Variants in GALNT13 observed in about 807,000 individuals in gnomAD.
GALNT13 encodes UDP-GalNAc:polypeptide N-acetylgalactosaminyltransferase 13.
Under a neutral mutation model 64.2 loss-of-function variants are expected in GALNT13, and 28 were observed. The ratio of observed to expected loss-of-function variants is 0.44; its 90% CI spans 0.32 to 0.60. The LOEUF (loss-of-function observed/expected upper bound fraction) is 0.60. Ranked by LOEUF, GALNT13 falls within the 20% of genes least tolerant of loss-of-function variation. The pLI is 0.05. For synonymous variants in GALNT13, 214 were observed against 224.6 expected (o/e 0.95, Z 0.42); for missense variants, 577 against 669.8 (o/e 0.86, Z 1.53).
the GALNT13 span, among the ~76,000 whole-genome samples, chr2:153,798,223 C>A: frequency 6.6e-6 from 1 of 152,154 alleles, no homozygotes; most frequent in Admixed American, 6.5e-5. Context: ...TACCCTTTCC[C>A]TCTTCACTGG....
the GALNT13 span, among the ~76,000 whole-genome samples, chr2:153,252,753 G>C: frequency 2.0e-5 from 3 of 152,108 alleles, no homozygotes; most frequent in Non-Finnish European, 4.4e-5. Flanking sequence ...TCTGGTTTTT[G>C]TCAGGTTTGT....
intron 9 of GALNT13, among the ~76,000 whole-genome samples, chr2:154,379,532 T>C (rs1278369334): frequency 6.6e-6 from 1 of 152,052 alleles, no homozygotes; most frequent in Admixed American, 6.6e-5. Flanking sequence ...GAAGGCTGTT[T>C]GATTCTCATG....
the GALNT13 span, among the ~76,000 whole-genome samples, chr2:153,803,553 G>GC: frequency 2.2e-4 from 34 of 152,020 alleles, no homozygotes; most frequent in East Asian, 1.6e-3. Flanking sequence ...TTAGCCGGGC[G>GC]CTGTGGCGGG....
At chr2:153,137,976 G>T in the GALNT13 span, among the ~76,000 whole-genome samples, 1 of 152,016 alleles carries the variant, frequency 6.6e-6, no homozygotes, top group Non-Finnish European at 1.5e-5. Context: ...ATTCTCTGTG[G>T]TGCTTCCTAC....
At chr2:154,424,480 T>C (rs1223662562) in intron 11 of GALNT13, among the ~76,000 whole-genome samples, 1 of 152,180 alleles carries the variant, frequency 6.6e-6, no homozygotes, top group Non-Finnish European at 1.5e-5. Context: ...ATGTTGTTTC[T>C]CCCCTTGCTT....
rs1699687786 is a variant in GALNT13 at position 154,409,271 on chromosome 2, T to C, written c.1395+189T>C. On this transcript the variant is annotated intron_variant, in intron 11 of 12. Transcript: ENST00000392825. ...TTAAAGGAGAGCTGAAAAATTAAAA[T>C]AAAAAGAGCAACACTTTCAGTGTGC... 5 of 585,130 alleles carry C rather than the reference T, an allele frequency of 8.5e-6. No individual in the cohort carries two copies. The South Asian group carries it at 1.0e-4, about 12-fold the overall frequency. 36.2% of individuals were successfully genotyped at this position (585,130 alleles called of 1,614,324 possible). A position where few individuals can be genotyped will look rare whatever the true frequency, so the allele number is the denominator to read the frequency against.
intron 9 of GALNT13, among the ~76,000 whole-genome samples, chr2:154,367,879 TATC>T (rs1246074068): frequency 6.6e-6 from 1 of 152,184 alleles, no homozygotes; most frequent in Non-Finnish European, 1.5e-5. Context: ...TGAAAACATT[TATC>T]ATGGGAAATG....
At chr2:154,333,743 G>A (rs1470914522) in intron 9 of GALNT13, among the ~76,000 whole-genome samples, 5 of 152,040 alleles carry the variant, frequency 3.3e-5, no homozygotes, top group African/African-American at 9.7e-5. Context: ...TCTTGCTATT[G>A]TAAAGGGAGT....
intron 2 of GALNT13, among the ~76,000 whole-genome samples, chr2:153,925,614 G>T (rs373553031): frequency 6.7e-6 from 1 of 148,612 alleles, no homozygotes; most frequent in East Asian, 2.0e-4. Flanking sequence ...GTAGTTTAAT[G>T]AAAATAGCAT....
intron 3 of GALNT13, among the ~76,000 whole-genome samples, chr2:154,123,729 T>C (rs1315942782): frequency 6.6e-6 from 1 of 152,074 alleles, no homozygotes; most frequent in East Asian, 1.9e-4. Context: ...AAAATATAGA[T>C]GACTCTTAAA....
At chr2:153,071,535 A>G in the GALNT13 span, among the ~76,000 whole-genome samples, 2 of 152,188 alleles carry the variant, frequency 1.3e-5, no homozygotes, top group Non-Finnish European at 2.9e-5. Flanking sequence ...TATGGACATT[A>G]TGTAAAGGGG....
intron 4 of GALNT13, among the ~76,000 whole-genome samples, chr2:154,234,891 A>T (rs1314523222): frequency 6.6e-6 from 1 of 152,084 alleles, no homozygotes; most frequent in Non-Finnish European, 1.5e-5. Context: ...AGTCTATTGG[A>T]TTTGATAGAT....
At chr2:154,309,007 G>C (rs970572534) in intron 9 of GALNT13, among the ~76,000 whole-genome samples, 3 of 152,040 alleles carry the variant, frequency 2.0e-5, no homozygotes, top group African/African-American at 7.2e-5. Context: ...GCCATGCTCT[G>C]TCTTCAGTTG....
the GALNT13 span, among the ~76,000 whole-genome samples, chr2:153,086,049 C>T: frequency 1.3e-5 from 2 of 152,166 alleles, no homozygotes; most frequent in Non-Finnish European, 2.9e-5. Flanking sequence ...AATGACTCCC[C>T]TATTGGATTT....
At chr2:153,170,809 A>G in the GALNT13 span, among the ~76,000 whole-genome samples, 1 of 152,214 alleles carries the variant, frequency 6.6e-6, no homozygotes, top group Non-Finnish European at 1.5e-5. Context: ...TTGCTTTTGA[A>G]ATACATTTCT....
At chr2:154,345,453 C>T (rs1696018724) in intron 9 of GALNT13, among the ~76,000 whole-genome samples, 1 of 152,020 alleles carries the variant, frequency 6.6e-6, no homozygotes, top group Admixed American at 6.6e-5. Flanking sequence ...TAAATTTGCA[C>T]TGTTCACTAT....
At position 153,919,986 on chromosome 2, in the gene GALNT13, T is replaced by TTATATATATTATAATATGTAACAGTTA. The variant is rs552367238; in HGVS notation, c.-105+18996_-105+18997insGTAACAGTTATATATATATTATAATAT. On this transcript the variant is annotated intron_variant, in intron 2 of 12. Transcript: ENST00000392825. ...CCCCATTATATATAATACAGTTATA[T>TTATATATATTATAATATGTAACAGTTA]TATATATATTATAATATATAACAGT... Among the ~76,000 whole-genome samples the TTATATATATTATAATATGTAACAGTTA allele has an allele frequency of 4.0e-3, 588 of 147,978 alleles. 3 individuals carry two copies. Among genetic ancestry groups the TTATATATATTATAATATGTAACAGTTA allele is most frequent in the African/African-American group, 0.014 (563 of 40,816 alleles).
intron 3 of GALNT13, among the ~76,000 whole-genome samples, chr2:153,981,929 A>G (rs1052446574): frequency 8.6e-5 from 13 of 151,924 alleles, no homozygotes; most frequent in African/African-American, 3.1e-4. Context: ...TATATATATT[A>G]TCATGTCTAT....
the GALNT13 span, among the ~76,000 whole-genome samples, chr2:153,617,040 C>T: frequency 2.0e-5 from 3 of 151,880 alleles, no homozygotes; most frequent in East Asian, 5.8e-4. Context: ...GACAGATGTT[C>T]TGTAAGAAAT....
Sources: gnomAD v4.1 joint callset for allele counts (sites outside exome capture counted in the v4.1 genomes callset) on GRCh38, gnomAD v4.1.1 for gene constraint, MANE v1.5 for transcripts, NCBI Gene and HGNC (gene_info 2026-07-23, HGNC 2026-07-21) for gene names.